Variants in MEF2B observed in about 807,000 individuals in gnomAD.
The protein encoded by MEF2B is myocyte enhancer factor 2B.
Under a neutral mutation model 32.2 loss-of-function variants are expected in MEF2B, and 15 were observed. The observed-to-expected ratio is 0.47, with a 90% CI of 0.31 to 0.72. The LOEUF (loss-of-function observed/expected upper bound fraction) is 0.72. MEF2B is among the 30% of genes least tolerant of loss of function. The pLI, the probability that MEF2B is intolerant of heterozygous loss-of-function variation, is 0.05. For missense variants in MEF2B, 441 were observed against 511.5 expected, an observed-to-expected ratio of 0.86 and a Z score of 1.33; for synonymous variants, 205 against 225.6, an observed-to-expected ratio of 0.91 and a Z score of 0.82.
intron 1 of MEF2B, among the ~76,000 whole-genome samples, chr19:19,160,241 A>T (rs550573536): frequency 6.6e-6 from 1 of 152,112 alleles, no homozygotes; most frequent in Non-Finnish European, 1.5e-5. Context: ...AAGTGCTGGG[A>T]TTACAGGTGT....
intron 1 of MEF2B, among the ~76,000 whole-genome samples, chr19:19,169,391 T>C (rs1045654473): frequency 6.6e-6 from 1 of 151,026 alleles, no homozygotes; most frequent in Non-Finnish European, 1.5e-5. Flanking sequence ...AAAAAGAAAA[T>C]GGGGGTCTCA....
rs117978125 is a variant in MEF2B, at chr19:19,161,562, C to A, written c.-30+8643G>T. On this transcript the variant is annotated intron_variant, in intron 1 of 8. Transcript: ENST00000424583. Reference sequence around the variant, plus strand: ...CAGACCCCAAAAACACTCAGACATACCCAGATGCCCCAACACATGCCAATC... The same window carrying A: ...CAGACCCCAAAAACACTCAGACATAACCAGATGCCCCAACACATGCCAATC... 1.1e-3 allele frequency among the ~76,000 whole-genome samples: 160 copies of A among 152,126 alleles called. 4 individuals are homozygous for A. The East Asian group carries it at 0.029, about 28-fold the overall frequency.
chr19:19,146,081 G>A lies in MEF2B; in HGVS notation c.882-59C>T, dbSNP rs115935726. 1,771 of 1,345,666 alleles carry A rather than the reference G, an allele frequency of 1.3e-3. 27 individuals are homozygous for A. The African/African-American group carries it at 0.024, about 18-fold the overall frequency. The allele number at this position is 1,345,666 out of a possible 1,614,324, so 83.4% of individuals were successfully genotyped here. ...TCAGCGAGGAAGGGAAGGAAGCCAG[G>A]GGATGGCACAGCGTGGGCAAAGGCT... On this transcript the variant is annotated intron_variant, in intron 8 of 8. Coordinates refer to ENST00000424583, the MANE Select transcript of MEF2B (RefSeq NM_001145785.2).
chr19:19,157,578 G>A (rs1035486016), intron 1 of MEF2B, among the ~76,000 whole-genome samples: 1 of 152,078 alleles, frequency 6.6e-6, no homozygotes, highest in African/African-American at 2.4e-5. Context: ...CTGGGCGCAG[G>A]GGCTCAAGCC....
chr19:19,147,791 C>T lies in MEF2B; in HGVS notation c.300G>A (p.Leu100=), dbSNP rs1010934458. Residue 100 remains leucine (L), a synonymous_variant, in exon 4 of 9, where the codon CTG becomes CTA. Coordinates refer to ENST00000424583, the MANE Select transcript of MEF2B (RefSeq NM_001145785.2). ...GCTCCTCAGGCCCTTCATCCGGCTC[C>T]AGCTCTGGCCCATCGAGGCCAATGC... is the stretch of plus-strand genomic sequence containing the variant. ...RRGIGLDGPE[L]EPDEGPEEPG... 8.7e-6 allele frequency: 14 copies of T among 1,613,798 alleles called. No homozygotes were observed. Among genetic ancestry groups the T allele is most frequent in the Non-Finnish European group, 1.1e-5 (13 of 1,179,986 alleles).
intron 1 of MEF2B, among the ~76,000 whole-genome samples, chr19:19,162,942 T>C (rs895550643): frequency 4.0e-5 from 6 of 151,890 alleles, no homozygotes; most frequent in Non-Finnish European, 8.8e-5. Flanking sequence ...AAAGGTGTCA[T>C]CTACCAGCAG....
rs889978469 is a variant in MEF2B at position 19,149,280 on chromosome 19, C to T, written c.204G>A (p.Lys68=). The T allele has an allele frequency of 1.2e-6, 2 of 1,613,998 alleles. No homozygotes were observed. Among genetic ancestry groups the T allele is most frequent in the East Asian group, 4.5e-5 (2 of 44,796 alleles). Residue 68 remains lysine, a synonymous_variant, in exon 3 of 9, where the codon AAG becomes AAA. Transcript: ENST00000424583. The part of the protein sequence containing the change: ...ASTDMDRVLL[K]YTEYSEPHES... ...CGTGGGGCTCGCTGTACTCTGTGTA[C>T]TTCAGCAGCACACGGTCCATGTCCG...
intron 1 of MEF2B, among the ~76,000 whole-genome samples, chr19:19,156,754 T>A (rs1317910190): frequency 6.6e-5 from 10 of 152,126 alleles, no homozygotes; most frequent in Admixed American, 5.9e-4. Context: ...TGGGCTCAAG[T>A]GATCCTCCAG....
intron 1 of MEF2B, among the ~76,000 whole-genome samples, chr19:19,154,599 A>G (rs923450065): frequency 2.0e-5 from 3 of 152,226 alleles, no homozygotes; most frequent in African/African-American, 4.8e-5. Flanking sequence ...GTGCACCACC[A>G]CACCTGGCTA....
In MEF2B at chr19:19,146,825, G is replaced by T. The variant is rs759897677; in HGVS notation, c.592C>A (p.Pro198Thr). Residue 198 changes from proline (P) to threonine (T), a missense_variant, in exon 6 of 9, where the codon CCC becomes ACC. By Grantham distance (38) the Pro-to-Thr change is conservative. This residue lies in a region of MEF2B where 326 missense variants were observed against 328.4 expected (regional missense o/e 0.99). Transcript: ENST00000424583. Reference protein sequence around the residue: ...SPSHLTSKTPPPLYLPTEGRR... With the variant: ...SPSHLTSKTPTPLYLPTEGRR... ...CCTTCCGTCGGCAGGTACAGTGGGG[G>T]TGGTGTCTTGCTGGTGAGGTGGCTT... The T allele has an allele frequency of 1.2e-6, 2 of 1,613,898 alleles. No individual in the cohort carries two copies. Among genetic ancestry groups the T allele is most frequent in the South Asian group, 2.2e-5 (2 of 91,082 alleles).
At chr19:19,148,576 G>T (rs1196786217) in intron 3 of MEF2B, among the ~76,000 whole-genome samples, 1 of 152,050 alleles carries the variant, frequency 6.6e-6, no homozygotes, top group African/African-American at 2.4e-5. Context: ...GCCAACTTCT[G>T]CCCCACACTT....
At chr19:19,162,363 C>T (rs1383027749) in intron 1 of MEF2B, among the ~76,000 whole-genome samples, 1 of 151,884 alleles carries the variant, frequency 6.6e-6, no homozygotes, top group African/African-American at 2.4e-5. Flanking sequence ...GAACTTCCGG[C>T]CTCAAGTTAT....
intron 1 of MEF2B, among the ~76,000 whole-genome samples, chr19:19,159,967 C>CA (rs2060147999): frequency 7.6e-6 from 1 of 132,250 alleles, no homozygotes; most frequent in Non-Finnish European, 1.6e-5. Flanking sequence ...GTCTACTGAA[C>CA]TTTTTTTTTT....
intron 1 of MEF2B, among the ~76,000 whole-genome samples, chr19:19,163,045 C>T (rs565473586): frequency 7.9e-5 from 12 of 152,272 alleles, no homozygotes; most frequent in Non-Finnish European, 1.6e-4. Flanking sequence ...TTTGCCCGGA[C>T]TGTGTCCAAC....
At chr19:19,146,920 T>C (rs777407713) in intron 5 of MEF2B, 45 bp from the exon 6 acceptor site, 2 of 1,591,082 alleles carry the variant, frequency 1.3e-6, no homozygotes, top group Non-Finnish European at 1.7e-6. Flanking sequence ...GCAGGCCATG[T>C]CAACTAATGA....
intron 4 of MEF2B, 51 bp downstream of exon 4, chr19:19,147,647 G>C: frequency 6.3e-7 from 1 of 1,596,218 alleles, no homozygotes; most frequent in Non-Finnish European, 8.5e-7. Flanking sequence ...AACGACTTGG[G>C]CCTAGGAAGT....
chr19:19,157,050 T>C, intron 1 of MEF2B: 1 of 228,400 alleles, frequency 4.4e-6, no homozygotes, highest in South Asian at 5.3e-5. Flanking sequence ...TGTGGGAGCC[T>C]GAGACGGGAG....
Position 19,166,063 on chromosome 19 carries a change from C to G in MEF2B, c.-30+4142G>C, listed in dbSNP as rs2060205005. ...TTTACATATAAGACCTGCCTGACCC[C>G]CAGACACCCCAGGGAAGCAGCGATA... On this transcript the variant is annotated intron_variant, in intron 1 of 8. Coordinates refer to ENST00000424583, the MANE Select transcript of MEF2B (RefSeq NM_001145785.2). Among the ~76,000 whole-genome samples, 3 of 152,142 alleles carry G rather than the reference C, an allele frequency of 2.0e-5. 1 individual carries two copies. Among genetic ancestry groups the G allele is most frequent in the Admixed American group, 2.0e-4 (3 of 15,278 alleles).
At chr19:19,164,245 G>T (rs2060189304) in intron 1 of MEF2B, among the ~76,000 whole-genome samples, 1 of 152,170 alleles carries the variant, frequency 6.6e-6, no homozygotes, top group South Asian at 2.1e-4. Flanking sequence ...TGGGATTACA[G>T]CCGTGAGCCC....
Sources: gnomAD v4.1 joint callset for allele counts (sites outside exome capture counted in the v4.1 genomes callset) on GRCh38, gnomAD v4.1.1 for gene constraint, gnomAD v4.1.1 regional missense constraint, MANE v1.5 for transcripts, NCBI Gene and HGNC (gene_info 2026-07-23, HGNC 2026-07-21) for gene names.